Variants in DPP6 observed in about 807,000 individuals in gnomAD.
DPP6 encodes dipeptidyl peptidase like 6.
Under a neutral mutation model 122.6 loss-of-function variants are expected in DPP6, and 69 were observed. The ratio of observed to expected loss-of-function variants is 0.56; its 90% CI spans 0.46 to 0.69. DPP6 has a LOEUF of 0.69. DPP6 is among the 30% of genes least tolerant of loss of function. The pLI, the probability that DPP6 is intolerant of heterozygous loss-of-function variation, is 0.00. For synonymous variants in DPP6, 418 were observed against 433.1 expected (o/e 0.97, Z 0.43); for missense variants, 928 against 1,116.9 (o/e 0.83, Z 2.41).
intron 1 of DPP6, among the ~76,000 whole-genome samples, chr7:154,295,525 G>T (rs4278085): frequency 2.6e-5 from 4 of 151,926 alleles, no homozygotes. Flanking sequence ...GGCTTTCTCT[G>T]CCCTCACTTA....
chr7:154,565,105 G>A (rs1431871769), intron 4 of DPP6, among the ~76,000 whole-genome samples: 2 of 152,136 alleles, frequency 1.3e-5, no homozygotes, highest in African/African-American at 4.8e-5. Flanking sequence ...TGGGTTGTTG[G>A]CCATGAGTCC....
chr7:154,475,441 C>T (rs965676959), intron 3 of DPP6: 7 of 248,878 alleles, frequency 2.8e-5, no homozygotes, highest in East Asian at 1.1e-4. Flanking sequence ...GCTCTCTTTC[C>T]GTTAGGCAGA....
At position 154,021,558 on chromosome 7, in the gene DPP6, G is replaced by A. The variant is rs1175197976; in HGVS notation, c.51+133824G>A. Among the ~76,000 whole-genome samples, 4 of 152,154 alleles carry A rather than the reference G, an allele frequency of 2.6e-5. No homozygotes were observed. In the East Asian group the frequency reaches 7.7e-4, roughly 29 times the overall value. On this transcript the variant is annotated intron_variant, in intron 1 of 25. Coordinates refer to the DPP6 transcript ENST00000404039. ...TAAAAATGGGAAAAATGGAGGCAGA[G>A]GAAACCATATATCCCAAACGAGGGC...
At chr7:153,805,776 C>T in the DPP6 span, among the ~76,000 whole-genome samples, 7 of 152,082 alleles carry the variant, frequency 4.6e-5, no homozygotes, top group Non-Finnish European at 1.0e-4. Flanking sequence ...ACTGCATGTT[C>T]TCACTCATAT....
chr7:154,651,409 C>T (rs1294000462), intron 6 of DPP6, among the ~76,000 whole-genome samples: 1 of 152,092 alleles, frequency 6.6e-6, no homozygotes, highest in African/African-American at 2.4e-5. Flanking sequence ...AAAACCTATT[C>T]CCCTTTTTTC....
At chr7:153,942,849 CTTAT>C (rs1363059638) in intron 1 of DPP6, among the ~76,000 whole-genome samples, 1 of 152,192 alleles carries the variant, frequency 6.6e-6, no homozygotes, top group Non-Finnish European at 1.5e-5. Context: ...CTGTCGCCTG[CTTAT>C]TTAAACACGT....
intron 1 of DPP6, among the ~76,000 whole-genome samples, chr7:153,982,950 A>G (rs58837498): frequency 0.041 from 6,201 of 152,290 alleles, 402 homozygotes; most frequent in African/African-American, 0.14. Context: ...ACCAGATGCC[A>G]GTCAGAGCTC....
the DPP6 span, among the ~76,000 whole-genome samples, chr7:153,767,835 G>A: frequency 3.4e-4 from 52 of 152,282 alleles, no homozygotes; most frequent in African/African-American, 1.2e-3. Context: ...TGAGGGCTCT[G>A]TATGTATCCA....
chr7:154,570,488 C>A (rs1831038643), intron 5 of DPP6, among the ~76,000 whole-genome samples: 1 of 151,418 alleles, frequency 6.6e-6, no homozygotes, highest in Admixed American at 6.6e-5. Flanking sequence ...TAGTACTGAG[C>A]AAATATATTT....
chr7:154,625,303 A>T (rs148187413), intron 5 of DPP6, among the ~76,000 whole-genome samples: 2 of 151,464 alleles, frequency 1.3e-5, no homozygotes, highest in Admixed American at 1.3e-4. Context: ...CATCATGCAG[A>T]TACACACACA....
chr7:154,718,953 TC>T (rs1369273908), intron 7 of DPP6, among the ~76,000 whole-genome samples: 1 of 152,136 alleles, frequency 6.6e-6, no homozygotes, highest in Non-Finnish European at 1.5e-5. Flanking sequence ...TTGGGTCACA[TC>T]TAGGAAATGA....
the DPP6 span, among the ~76,000 whole-genome samples, chr7:153,782,934 C>G: frequency 1.3e-5 from 2 of 152,112 alleles, no homozygotes; most frequent in African/African-American, 4.8e-5. Context: ...ACGCCATGTG[C>G]GATACTTGTA....
intron 9 of DPP6, among the ~76,000 whole-genome samples, chr7:154,770,145 C>A (rs1186812128): frequency 2.0e-5 from 3 of 152,152 alleles, no homozygotes; most frequent in Admixed American, 1.3e-4. Context: ...TATTTTCATG[C>A]TGCTGATTAA....
chr7:154,805,292 C>G (rs1025408286), intron 15 of DPP6, among the ~76,000 whole-genome samples: 4 of 152,200 alleles, frequency 2.6e-5, no homozygotes, highest in African/African-American at 7.2e-5. Context: ...TTCTGCCCCC[C>G]CTGCCCCACC....
chr7:154,127,634 GACACACACACACACACAGACACACAC>G (rs1808009382), intron 1 of DPP6, among the ~76,000 whole-genome samples: 11 of 59,722 alleles, frequency 1.8e-4, no homozygotes, highest in Admixed American at 1.6e-3. Context: ...CACACACACA[GACACACACACACACACAGACACACAC>G]ACACACACAC....
chr7:153,950,957 C>T (rs1563040905), intron 1 of DPP6, among the ~76,000 whole-genome samples: 1 of 152,138 alleles, frequency 6.6e-6, no homozygotes, highest in Non-Finnish European at 1.5e-5. Flanking sequence ...CAGGATGGAG[C>T]ACAGGGAGCG....
At chr7:153,758,090 CT>C in the DPP6 span, among the ~76,000 whole-genome samples, 1 of 152,206 alleles carries the variant, frequency 6.6e-6, no homozygotes, top group Non-Finnish European at 1.5e-5. Flanking sequence ...AGTAGATGTC[CT>C]TTAGACTTCA....
chr7:154,794,521 C>T (rs1460470563), intron 11 of DPP6, among the ~76,000 whole-genome samples: 4 of 152,208 alleles, frequency 2.6e-5, no homozygotes, highest in South Asian at 2.1e-4. Flanking sequence ...CCTAAGTGAG[C>T]GTCCTCCTCG....
At chr7:154,516,951 C>A (rs943843391) in intron 3 of DPP6, among the ~76,000 whole-genome samples, 1 of 152,156 alleles carries the variant, frequency 6.6e-6, no homozygotes, top group African/African-American at 2.4e-5. Context: ...GATTTCACTC[C>A]CAGGCTTCCA....
Sources: allele counts gnomAD v4.1 joint callset (sites outside exome capture counted in the v4.1 genomes callset), GRCh38; gene constraint gnomAD v4.1.1; transcripts MANE v1.5; gene names NCBI Gene and HGNC (gene_info 2026-07-23, HGNC 2026-07-21).